The following UBE2B variants were observed in gnomAD, a reference collection of about 807,000 sequenced individuals.
UBE2B encodes the protein ubiquitin conjugating enzyme E2 B.
Under a neutral mutation model 24.6 loss-of-function variants are expected in UBE2B, and 11 were observed. The ratio of observed to expected loss-of-function variants is 0.45; its 90% confidence interval spans 0.28 to 0.74. UBE2B has a LOEUF of 0.74. Among genes scored for constraint, UBE2B ranks in the 30% least tolerant of loss-of-function variants. The probability of loss-of-function intolerance (pLI) is 0.13; values close to 1 mark genes in which losing one functional copy is unlikely to be tolerated. For missense variants in UBE2B, 78 were observed against 185.6 expected, an observed-to-expected ratio of 0.42 and a Z score of 3.37; for synonymous variants, 68 against 62.4, an observed-to-expected ratio of 1.09 and a Z score of -0.42.
intron 2 of UBE2B, 124 bp downstream of exon 2, chr5:134,374,587 G>A: frequency 9.3e-7 from 1 of 1,071,270 alleles, no homozygotes; most frequent in Admixed American, 2.2e-5. Flanking sequence ...AAAACTGCAA[G>A]ATAAATTAGA....
intron 2 of UBE2B, 85 bp downstream of exon 2, chr5:134,374,548 C>T: frequency 7.2e-7 from 1 of 1,394,648 alleles, no homozygotes; most frequent in Non-Finnish European, 9.9e-7. Flanking sequence ...GGAAAAGAAA[C>T]TGAGGTGGAA....
chr5:134,380,955 A>ATTTTTTTTTTTTTTTTT (rs1186834088), intron 4 of UBE2B, 147 bp downstream of exon 4: 7 of 138,450 alleles, frequency 5.1e-5, no homozygotes, highest in African/African-American at 1.3e-4. Context: ...TTTGTTGTGG[A>ATTTTTTTTTTTTTTTTT]TTTTTTTTTT....
intron 4 of UBE2B, among the ~76,000 whole-genome samples, chr5:134,381,786 A>G (rs902703379): frequency 6.6e-6 from 1 of 152,274 alleles, no homozygotes; most frequent in East Asian, 1.9e-4. Flanking sequence ...ACTACTAAAA[A>G]TACAAAAATT....
intron 4 of UBE2B, among the ~76,000 whole-genome samples, chr5:134,383,802 GT>G (rs1482344130): frequency 1.3e-5 from 2 of 151,830 alleles, no homozygotes. Context: ...TTTTGATTGA[GT>G]TTTTTGTTTG....
In UBE2B at chr5:134,390,576, C is replaced by A. The variant is rs1258865262; in HGVS notation, c.*223C>A. On this transcript the variant is annotated 3_prime_UTR_variant, in exon 6 of 6. Coordinates refer to ENST00000265339, the MANE Select transcript of UBE2B (RefSeq NM_003337.4). This position sits in a 1 kb window ranked among gnomAD's most constrained non-coding sequence, Gnocchi z 4.6. ...TTGCTGCATAAATTTGTAATATATC[C>A]TGTTTGTATTTTTTTCCAAGTGTAT... is the stretch of plus-strand genomic sequence containing the variant. 14 of 486,552 alleles carry A rather than the reference C, an allele frequency of 2.9e-5. No individual in the cohort carries two copies. In the Admixed American group the frequency reaches 5.0e-4, roughly 17 times the overall value. The allele number at this position is 486,552 out of a possible 1,614,324, so 30.1% of individuals were successfully genotyped here.
intron 4 of UBE2B, among the ~76,000 whole-genome samples, chr5:134,387,031 C>T (rs1051839462): frequency 6.6e-6 from 1 of 150,950 alleles, no homozygotes; most frequent in South Asian, 2.1e-4. Flanking sequence ...GTGATCTGAG[C>T]TCACTGCAAC....
intron 4 of UBE2B, among the ~76,000 whole-genome samples, chr5:134,382,184 G>A (rs1372678560): frequency 2.0e-5 from 3 of 152,122 alleles, no homozygotes; most frequent in African/African-American, 7.2e-5. Flanking sequence ...CAGGCGTGGT[G>A]GTTCATACCT....
intron 2 of UBE2B, among the ~76,000 whole-genome samples, chr5:134,375,797 CAAAAAAAAAAA>C (rs775635194): frequency 6.7e-4 from 20 of 29,888 alleles, no homozygotes; most frequent in Admixed American, 2.9e-3. Flanking sequence ...GACTCCGTCT[CAAAAAAAAAAA>C]AAAAAAAAAA....
intron 3 of UBE2B, among the ~76,000 whole-genome samples, chr5:134,380,327 C>G (rs1339482218): frequency 6.6e-6 from 1 of 152,216 alleles, no homozygotes; most frequent in Non-Finnish European, 1.5e-5. Context: ...ACTGCAACCT[C>G]CACCTCCTGG....
intron 4 of UBE2B, among the ~76,000 whole-genome samples, chr5:134,383,830 A>G (rs193079818): frequency 8.8e-4 from 134 of 152,156 alleles, no homozygotes; most frequent in African/African-American, 3.1e-3. Flanking sequence ...TAATTGCTGC[A>G]TAACAACTAG....
At chr5:134,375,493 A>G (rs1758583153) in intron 2 of UBE2B, among the ~76,000 whole-genome samples, 1 of 152,170 alleles carries the variant, frequency 6.6e-6, no homozygotes, top group Non-Finnish European at 1.5e-5. Context: ...TCATCCTCAT[A>G]AAGTACTTCT....
At chr5:134,376,343 AAAAAAAT>A (rs1398672780) in intron 2 of UBE2B, among the ~76,000 whole-genome samples, 3 of 67,020 alleles carry the variant, frequency 4.5e-5, no homozygotes, top group South Asian at 5.5e-4. Flanking sequence ...AAAAAAAAAA[AAAAAAAT>A]ATATATATAT....
chr5:134,385,685 T>G (rs576318925), intron 4 of UBE2B: 2 of 152,200 alleles, frequency 1.3e-5, no homozygotes, highest in African/African-American at 2.4e-5. Context: ...GTATACTCAT[T>G]GCACAAATAA....
chr5:134,391,809 T>A lies in UBE2B; in HGVS notation c.*1456T>A, dbSNP rs1202809269. The A allele has an allele frequency of 6.6e-6, 1 of 152,138 alleles. No individual in the cohort carries two copies. The highest frequency in any genetic ancestry group is 1.5e-5 in the Non-Finnish European group (1 of 68,026). The allele number at this position is 152,138 out of a possible 1,614,324, so 9.4% of individuals were successfully genotyped here. On this transcript the variant is annotated 3_prime_UTR_variant, in exon 6 of 6. Coordinates refer to ENST00000265339, the MANE Select transcript of UBE2B (RefSeq NM_003337.4). Reference sequence around the variant, plus strand: ...AAGACTTTTCTCTACTTTAAATTTTTTAAAAAATTAGTTGGGCATAGTGGC... The same window carrying A: ...AAGACTTTTCTCTACTTTAAATTTTATAAAAAATTAGTTGGGCATAGTGGC...
At chr5:134,373,130 A>T (rs1758520318) in intron 1 of UBE2B, among the ~76,000 whole-genome samples, 1 of 152,176 alleles carries the variant, frequency 6.6e-6, no homozygotes, top group Non-Finnish European at 1.5e-5. Flanking sequence ...TCCTGATCTG[A>T]GAGGTGGATT....
At chr5:134,386,037 A>G (rs1758795494) in intron 4 of UBE2B, among the ~76,000 whole-genome samples, 5 of 150,326 alleles carry the variant, frequency 3.3e-5, no homozygotes. Flanking sequence ...AGAAAAGAGG[A>G]TCATCTGCTG....
rs1758615146 is a variant in UBE2B at position 134,376,640 on chromosome 5, CT to C, written c.126-25del. 1.9e-6 allele frequency: 3 copies of C among 1,609,910 alleles called. No individual in the cohort carries two copies. The East Asian group carries it at 6.7e-5, about 36-fold the overall frequency. On this transcript the variant is annotated intron_variant, in intron 2 of 5. Transcript: ENST00000265339. ...CAAGAAAAAGCAGAATGAGAAACTT[CT>C]TTTAATCAGAAATCTTCTTGTTTTC...
At chr5:134,380,117 G>A (rs773967657) in intron 3 of UBE2B, among the ~76,000 whole-genome samples, 2 of 152,122 alleles carry the variant, frequency 1.3e-5, no homozygotes, top group Non-Finnish European at 2.9e-5. Context: ...TGACCACGTT[G>A]GCCAGGCTAG....
chr5:134,376,747 G>A (rs1758616536), intron 3 of UBE2B, 53 bp downstream of exon 3: 1 of 1,533,508 alleles, frequency 6.5e-7, no homozygotes, highest in African/African-American at 1.4e-5. Context: ...CTTTTTAGTA[G>A]AAAATTGTAA....
Sources: allele counts gnomAD v4.1 joint callset (sites outside exome capture counted in the v4.1 genomes callset), GRCh38; gene constraint gnomAD v4.1.1; non-coding constraint Gnocchi (gnomAD v3.1); transcripts MANE v1.5; gene names NCBI Gene and HGNC (gene_info 2026-07-23, HGNC 2026-07-21).